Variants in ILDR2 observed in about 807,000 individuals in gnomAD.
The protein encoded by ILDR2 is immunoglobulin like domain containing receptor 2.
ILDR2 carries 25 observed loss-of-function variants against 66.8 expected under a neutral mutation model. That is an observed-to-expected ratio of 0.37 (90% CI 0.27 to 0.52). The LOEUF (loss-of-function observed/expected upper bound fraction) is 0.52, where lower values mean the gene tolerates loss of function less well. Among genes scored for constraint, ILDR2 ranks in the 20% least tolerant of loss-of-function variants. The pLI, the probability that ILDR2 is intolerant of heterozygous loss-of-function variation, is 0.88. For missense variants in ILDR2, 827 were observed against 876.8 expected, an observed-to-expected ratio of 0.94 and a Z score of 0.72; for synonymous variants, 367 against 357.2, an observed-to-expected ratio of 1.03 and a Z score of -0.31.
At position 166,919,232 on chromosome 1, in the gene ILDR2, G is replaced by A. The variant is rs1205011659; in HGVS notation, c.*123C>T. 1.1e-6 allele frequency: 1 copy of A among 908,480 alleles called. No individual in the cohort carries two copies. The highest frequency in any genetic ancestry group is 1.8e-6 in the Non-Finnish European group (1 of 569,146). 56.3% of individuals were successfully genotyped at this position (908,480 alleles called of 1,614,324 possible). ...CTGCCTGCCATCCCTTGCCAAAGCAGAGATCAGCAAATCTTCCAAGGTGAT... is the reference window on the plus strand; with the variant it reads ...CTGCCTGCCATCCCTTGCCAAAGCAAAGATCAGCAAATCTTCCAAGGTGAT... On this transcript the variant is annotated 3_prime_UTR_variant, in exon 10 of 10. Coordinates refer to ENST00000271417, the MANE Select transcript of ILDR2 (RefSeq NM_199351.3).
chr1:166,901,452 T>C (rs1316362120), intron 2 of ILDR2, among the ~76,000 whole-genome samples: 1 of 152,212 alleles, frequency 6.6e-6, no homozygotes, highest in Non-Finnish European at 1.5e-5. Context: ...AACCAGAGAA[T>C]CTGTCTGCCT....
At chr1:166,971,291 T>A (rs887510857) in intron 1 of ILDR2, among the ~76,000 whole-genome samples, 13 of 152,218 alleles carry the variant, frequency 8.5e-5, no homozygotes, top group Non-Finnish European at 1.3e-4. Flanking sequence ...TCACTGACTA[T>A]TCATGAACAA....
chr1:166,919,484 C>T (rs979455826), intron 9 of ILDR2, 94 bp from the exon 10 acceptor site: 18 of 1,138,926 alleles, frequency 1.6e-5, no homozygotes, highest in African/African-American at 7.7e-5. Context: ...GTCCACAACC[C>T]GTTCAGTGCC....
chr1:166,947,390 A>C (rs898838228), intron 3 of ILDR2, among the ~76,000 whole-genome samples: 2 of 152,258 alleles, frequency 1.3e-5, no homozygotes, highest in African/African-American at 4.8e-5. Flanking sequence ...TCAAACTGTC[A>C]GAGTTCCTGC....
chr1:166,964,202 T>C lies in ILDR2; in HGVS notation c.47-6101A>G, dbSNP rs1571205151. Reference sequence around the variant, plus strand: ...AAGCACTAGAATTGAAGACCACAGGTGGTTTTCTGCTTTGCAGAGGAGGGA... The same window carrying C: ...AAGCACTAGAATTGAAGACCACAGGCGGTTTTCTGCTTTGCAGAGGAGGGA... On this transcript the variant is annotated intron_variant, in intron 1 of 9. Coordinates refer to ENST00000271417, the MANE Select transcript of ILDR2 (RefSeq NM_199351.3). Among the ~76,000 whole-genome samples, 2 of 151,402 alleles carry C rather than the reference T, an allele frequency of 1.3e-5. 1 individual carries two copies. Among genetic ancestry groups the C allele is most frequent in the South Asian group, 4.2e-4 (2 of 4,802 alleles).
chr1:166,967,152 G>A (rs919534341), intron 1 of ILDR2, among the ~76,000 whole-genome samples: 6 of 152,204 alleles, frequency 3.9e-5, no homozygotes, highest in Non-Finnish European at 8.8e-5. Flanking sequence ...TAGGAGAAGC[G>A]ATGTGTGTAA....
At chr1:166,965,571 T>TG (rs201143087) in intron 1 of ILDR2, among the ~76,000 whole-genome samples, 5 of 27,968 alleles carry the variant, frequency 1.8e-4, no homozygotes, top group Admixed American at 2.6e-4. Context: ...TTAGGTTTTG[T>TG]TTTTTTTTTT....
At position 166,936,237 on chromosome 1, in the gene ILDR2, G is replaced by A. The variant is rs1319226436; in HGVS notation, c.703+354C>T. 1.3e-5 allele frequency among the ~76,000 whole-genome samples: 2 copies of A among 152,096 alleles called. No homozygotes were observed. The highest frequency in any genetic ancestry group is 6.5e-5 in the Admixed American group (1 of 15,270). On this transcript the variant is annotated intron_variant, in intron 5 of 9. Transcript: ENST00000271417. This position sits in a 1 kb window ranked among gnomAD's most constrained non-coding sequence, Gnocchi z 5.0. ...GAACTTCTCTGCATGGGAAGGGAACGACCAGAGAAGGTTTCCTCTAGTTTG... is the reference window on the plus strand; with the variant it reads ...GAACTTCTCTGCATGGGAAGGGAACAACCAGAGAAGGTTTCCTCTAGTTTG...
At chr1:166,959,190 G>A (rs1322383233) in intron 1 of ILDR2, among the ~76,000 whole-genome samples, 1 of 152,224 alleles carries the variant, frequency 6.6e-6, no homozygotes, top group Non-Finnish European at 1.5e-5. Context: ...AGGGCTTCTT[G>A]TAAAGCCTTC....
intron 3 of ILDR2, among the ~76,000 whole-genome samples, chr1:166,947,190 T>C (rs1661665145): frequency 6.6e-6 from 1 of 152,204 alleles, no homozygotes; most frequent in South Asian, 2.1e-4. Flanking sequence ...TAAAATGCCG[T>C]GGAGGAGCGT....
chr1:166,936,460 G>C lies in ILDR2; in HGVS notation c.703+131C>G. On this transcript the variant is annotated intron_variant, in intron 5 of 9. Transcript: ENST00000271417. This position sits in a 1 kb window ranked among gnomAD's most constrained non-coding sequence, Gnocchi z 5.0. ...GAGGCCAGGGGCACCCAGCGGAGAA[G>C]AGTCTGGAATGACCAATCTTGGGGG... 1 of 1,389,080 alleles carries C rather than the reference G, an allele frequency of 7.2e-7. No individual in the cohort carries two copies. The highest frequency in any genetic ancestry group is 9.8e-7 in the Non-Finnish European group (1 of 1,015,380). The allele number at this position is 1,389,080 out of a possible 1,614,324, so 86.0% of individuals were successfully genotyped here.
intron 3 of ILDR2, among the ~76,000 whole-genome samples, chr1:166,950,045 A>G (rs1329280894): frequency 6.6e-6 from 1 of 152,226 alleles, no homozygotes. Context: ...CTGACGCATA[A>G]TCTGAAGCAT....
intron 2 of ILDR2, among the ~76,000 whole-genome samples, chr1:166,897,045 A>G (rs57735285): frequency 0.026 from 3,940 of 152,288 alleles, 183 homozygotes; most frequent in African/African-American, 0.091. Flanking sequence ...GGAACCATTG[A>G]GAGTTTTTGT....
rs193260280 is a variant in ILDR2, at chr1:166,914,928, G to A, written c.*4427C>T. The stretch of plus-strand genomic sequence containing the variant: ...TATTATTCTTGTCCACCCAACTTTA[G>A]GTAAGACCAAAGTGGGAGTGCTATT... On this transcript the variant is annotated 3_prime_UTR_variant, in exon 10 of 10. Transcript: ENST00000271417. 4.6e-5 allele frequency: 7 copies of A among 152,284 alleles called. No individual in the cohort carries two copies. The highest frequency in any genetic ancestry group is 1.9e-4 in the East Asian group (1 of 5,188). The allele number at this position is 152,284 out of a possible 1,614,324, so 9.4% of individuals were successfully genotyped here.
rs571918606 is a variant in ILDR2 at position 166,914,606 on chromosome 1, T to C, written c.*4749A>G. 1 of 152,292 alleles carries C rather than the reference T, an allele frequency of 6.6e-6. No individual in the cohort carries two copies. Among genetic ancestry groups the C allele is most frequent in the African/African-American group, 2.4e-5 (1 of 41,550 alleles). 9.4% of individuals were successfully genotyped at this position (152,292 alleles called of 1,614,324 possible). On this transcript the variant is annotated 3_prime_UTR_variant, in exon 10 of 10. Coordinates refer to ENST00000271417, the MANE Select transcript of ILDR2 (RefSeq NM_199351.3). ...ACAAATATTATTAGTATTAACCTTC[T>C]CCCCTTCAAATAGTGCTAAAGCTCA...
chr1:166,945,381 C>T (rs1234485892), intron 3 of ILDR2, among the ~76,000 whole-genome samples: 2 of 152,190 alleles, frequency 1.3e-5, no homozygotes, highest in Admixed American at 6.5e-5. Flanking sequence ...GAGCTAAACA[C>T]ATTCACACGC....
chr1:166,943,832 T>G (rs918202912), intron 3 of ILDR2: 13 of 985,182 alleles, frequency 1.3e-5, no homozygotes, highest in African/African-American at 1.7e-5. Flanking sequence ...CAATTACAAG[T>G]CACTTTAATG....
intron 1 of ILDR2, among the ~76,000 whole-genome samples, chr1:166,967,260 T>C (rs946574910): frequency 7.2e-5 from 11 of 152,194 alleles, no homozygotes; most frequent in Non-Finnish European, 1.6e-4. Context: ...TCTCGGAAGC[T>C]GCATGTTGGA....
rs1418068041 is a variant in ILDR2, at chr1:166,913,635, T to G, written c.*5720A>C. Reference sequence around the variant, plus strand: ...TTCTCACATTCCTTATTCCTCTATATCTGATCCCTCTTAGTTCTACCTAAA... The same window carrying G: ...TTCTCACATTCCTTATTCCTCTATAGCTGATCCCTCTTAGTTCTACCTAAA... On this transcript the variant is annotated 3_prime_UTR_variant, in exon 10 of 10. Transcript: ENST00000271417. 3 of 152,162 alleles carry G rather than the reference T, an allele frequency of 2.0e-5. No individual in the cohort carries two copies. Among genetic ancestry groups the G allele is most frequent in the African/African-American group, 7.2e-5 (3 of 41,430 alleles). The allele number at this position is 152,162 out of a possible 1,614,324, so 9.4% of individuals were successfully genotyped here.
Sources: gnomAD v4.1 joint callset for allele counts (sites outside exome capture counted in the v4.1 genomes callset) on GRCh38, gnomAD v4.1.1 for gene constraint, Gnocchi (gnomAD v3.1) non-coding constraint, MANE v1.5 for transcripts, NCBI Gene and HGNC (gene_info 2026-07-23, HGNC 2026-07-21) for gene names.